PCDHGB7: variants seen among roughly 807,000 people sequenced by gnomAD.
PCDHGB7 encodes the protein protocadherin gamma-B7.
PCDHGB7 carries 37 observed loss-of-function variants against 61.4 expected under a neutral mutation model. That is an observed-to-expected ratio of 0.60 (90% CI 0.46 to 0.79). The LOEUF (loss-of-function observed/expected upper bound fraction) is 0.79. Ranked by LOEUF, PCDHGB7 falls within the 30% of genes least tolerant of loss-of-function variation. PCDHGB7 has a pLI of 0.00. For missense variants in PCDHGB7, 1,166 were observed against 1,202.5 expected, an observed-to-expected ratio of 0.97 and a Z score of 0.45; for synonymous variants, 464 against 503.5, an observed-to-expected ratio of 0.92 and a Z score of 1.05.
intron 1 of PCDHGB7, chr5:141,428,086 G>C: frequency 1.9e-6 from 3 of 1,609,122 alleles, no homozygotes; most frequent in Non-Finnish European, 1.7e-6. Context: ...CACAACGCTT[G>C]GCTGTCCTAC....
Position 141,510,968 on chromosome 5 carries a change from C to A in PCDHGB7, c.2585C>A (p.Thr862Asn). 1 of 1,614,150 alleles carries A rather than the reference C, an allele frequency of 6.2e-7. No individual in the cohort carries two copies. The highest frequency in any genetic ancestry group is 8.5e-7 in the Non-Finnish European group (1 of 1,180,014). The change falls in exon 4 of 4, where the codon ACC becomes AAC. Residue 862 changes from threonine (T) to asparagine (N), a missense_variant. Transcript: ENST00000398594. ...SASEAADGSS[T>N]LGGGAGTMGL... ...GCAGAAGCTGCTGATGGGAGCTCCA[C>A]CCTGGGAGGGGGTGCCGGCACCATG...
chr5:141,485,689 G>A lies in PCDHGB7; in HGVS notation c.2416-9118G>A. On this transcript the variant is annotated intron_variant, in intron 1 of 3. Transcript: ENST00000398594. This position sits in a 1 kb window ranked among gnomAD's most constrained non-coding sequence, Gnocchi z 5.7. ...GCAATTCGATTAGCAGCTATAGGCT[G>A]AGCTCCAATGAACACTTTGCACTGG... The A allele has an allele frequency of 6.2e-7, 1 of 1,614,086 alleles. No individual in the cohort carries two copies. The highest frequency in any genetic ancestry group is 8.5e-7 in the Non-Finnish European group (1 of 1,179,970).
At chr5:141,481,844 G>A (rs552753850) in intron 1 of PCDHGB7, among the ~76,000 whole-genome samples, 7 of 151,350 alleles carry the variant, frequency 4.6e-5, no homozygotes, top group Admixed American at 1.3e-4. Context: ...TCGCTTGATG[G>A]TGGAGGTTGC....
chr5:141,499,689 C>CTTTT (rs545067566), intron 2 of PCDHGB7, among the ~76,000 whole-genome samples: 17 of 119,848 alleles, frequency 1.4e-4, no homozygotes, highest in East Asian at 2.4e-4. Context: ...TAACAGATGA[C>CTTTT]TTTTTTTTTT....
chr5:141,452,888 C>T (rs62379168), intron 1 of PCDHGB7, among the ~76,000 whole-genome samples: 13,856 of 152,130 alleles, frequency 0.091, 849 homozygotes, highest in African/African-American at 0.17. Flanking sequence ...TAATTTATTC[C>T]ACTTTTATTA....
In PCDHGB7 at chr5:141,512,501, G is replaced by A. The variant is rs1474842711; in HGVS notation, c.*1328G>A. The A allele has an allele frequency of 6.5e-6, 1 of 152,914 alleles. No homozygotes were observed. The highest frequency in any genetic ancestry group is 1.5e-5 in the Non-Finnish European group (1 of 68,258). The allele number at this position is 152,914 out of a possible 1,614,324, so 9.5% of individuals were successfully genotyped here. On this transcript the variant is annotated 3_prime_UTR_variant, in exon 4 of 4. Transcript: ENST00000398594. The stretch of plus-strand genomic sequence containing the variant: ...GAAGGCCACTGCCCAGGTCCCCAGT[G>A]CGCCCCCTAGTGGCCATAGCCTGGT...
At chr5:141,449,631 G>C in intron 1 of PCDHGB7, among the ~76,000 whole-genome samples, 1 of 148,476 alleles carries the variant, frequency 6.7e-6, no homozygotes, top group Middle Eastern at 3.6e-3. Flanking sequence ...TTAAAAAGAT[G>C]TATCTATATA....
At chr5:141,495,292 C>T (rs74321313) in intron 2 of PCDHGB7, among the ~76,000 whole-genome samples, 8,567 of 152,256 alleles carry the variant, frequency 0.056, 526 homozygotes, top group African/African-American at 0.16. Context: ...CCGCACTCAG[C>T]GCCTCCTCCA....
At chr5:141,478,788 T>A (rs576491824) in intron 1 of PCDHGB7, 147 of 1,473,736 alleles carry the variant, frequency 1.0e-4, no homozygotes, top group Non-Finnish European at 1.3e-4. Context: ...CTAATTCACA[T>A]CCTCAGCACT....
chr5:141,448,806 G>A (rs1412164815), intron 1 of PCDHGB7, among the ~76,000 whole-genome samples: 1 of 152,008 alleles, frequency 6.6e-6, no homozygotes, highest in Admixed American at 6.5e-5. Context: ...TTAGCCAGGC[G>A]TGATGGCGGG....
chr5:141,421,064 G>A (rs2096543646), intron 1 of PCDHGB7: 2 of 593,294 alleles, frequency 3.4e-6, no homozygotes, highest in Non-Finnish European at 5.7e-6. Context: ...ACACAAAGCG[G>A]AATGAGATGG....
chr5:141,466,468 T>C (rs1266315455), intron 1 of PCDHGB7, among the ~76,000 whole-genome samples: 1 of 152,368 alleles, frequency 6.6e-6, no homozygotes, highest in East Asian at 1.9e-4. Flanking sequence ...TTGTTTCTGC[T>C]GTTAATTGTA....
At chr5:141,436,305 T>C (rs2097810667) in intron 1 of PCDHGB7, among the ~76,000 whole-genome samples, 1 of 152,184 alleles carries the variant, frequency 6.6e-6, no homozygotes. Flanking sequence ...AGTTAGAGCA[T>C]GAATAGTCAA....
Position 141,476,129 on chromosome 5 carries a change from G to T in PCDHGB7, c.2416-18678G>T, listed in dbSNP as rs2099385585. 6.2e-7 allele frequency: 1 copy of T among 1,606,848 alleles called. No homozygotes were observed. The highest frequency in any genetic ancestry group is 1.3e-5 in the African/African-American group (1 of 75,000). On this transcript the variant is annotated intron_variant, in intron 1 of 3. Transcript: ENST00000398594. The surrounding 1 kb of genome is among the most constrained non-coding windows in gnomAD (Gnocchi z 7.6). ...GCTTTTGAGTGAGATGGTCCCAGAG[G>T]CCTGGAGGAGCGGACTGGTAAGCAC...
intron 1 of PCDHGB7, among the ~76,000 whole-genome samples, chr5:141,438,948 G>A (rs2154558298): frequency 6.6e-6 from 1 of 152,142 alleles, no homozygotes; most frequent in Middle Eastern, 3.4e-3. Context: ...TTATAGGCAT[G>A]AGCCACCGCA....
rs1301800438 is a variant in PCDHGB7, at chr5:141,432,966, C to T, written c.2415+12692C>T. ...TCAGGAGGCGGCTTGACAGGAGCGC[C>T]GGCGTCGCACTTTGTGGGCGTGGAC... On this transcript the variant is annotated intron_variant, in intron 1 of 3. Coordinates refer to ENST00000398594, the MANE Select transcript of PCDHGB7 (RefSeq NM_018927.4). This position sits in a 1 kb window ranked among gnomAD's most constrained non-coding sequence, Gnocchi z 6.0. 1.2e-6 allele frequency: 2 copies of T among 1,614,066 alleles called. No homozygotes were observed. The highest frequency in any genetic ancestry group is 8.5e-7 in the Non-Finnish European group (1 of 1,180,052).
Position 141,418,385 on chromosome 5 carries a change from G to T in PCDHGB7, c.526G>T (p.Glu176Ter). ...GAGCAAATACCAACTAAGTCCTAAC[G>T]AGTATTTCTCATTGGTGGAGAAAGA... The part of the protein sequence containing the change: ...SLSKYQLSPN[E>*]YFSLVEKDNP... The change falls in exon 1 of 4, where the codon GAG becomes TAG. Residue 176 changes from glutamate to a stop codon, truncating the protein, a stop_gained. Transcript: ENST00000398594. LOFTEE classifies it high-confidence loss of function. 1 of 1,613,930 alleles carries T rather than the reference G, an allele frequency of 6.2e-7. No homozygotes were observed. Among genetic ancestry groups the T allele is most frequent in the Non-Finnish European group, 8.5e-7 (1 of 1,179,876 alleles).
Position 141,431,534 on chromosome 5 carries a change from A to G in PCDHGB7, c.2415+11260A>G, listed in dbSNP as rs1331176313. Reference sequence around the variant, plus strand: ...CGTTCCGGAGAATCTGGCCTTGGGCACGCAGCTGCTTGTAGTCAACGCTAC... The same window carrying G: ...CGTTCCGGAGAATCTGGCCTTGGGCGCGCAGCTGCTTGTAGTCAACGCTAC... On this transcript the variant is annotated intron_variant, in intron 1 of 3. Coordinates refer to ENST00000398594, the MANE Select transcript of PCDHGB7 (RefSeq NM_018927.4). This position sits in a 1 kb window ranked among gnomAD's most constrained non-coding sequence, Gnocchi z 4.8. The G allele has an allele frequency of 1.2e-6, 2 of 1,614,110 alleles. No individual in the cohort carries two copies. The highest frequency in any genetic ancestry group is 8.5e-7 in the Non-Finnish European group (1 of 1,180,042).
chr5:141,467,681 A>G (rs2099148744), intron 1 of PCDHGB7, among the ~76,000 whole-genome samples: 1 of 152,076 alleles, frequency 6.6e-6, no homozygotes, highest in African/African-American at 2.4e-5. Flanking sequence ...TATTTTTTTT[A>G]GACAGGGTCT....
Sources: allele counts gnomAD v4.1 joint callset (sites outside exome capture counted in the v4.1 genomes callset), GRCh38; gene constraint gnomAD v4.1.1; non-coding constraint Gnocchi (gnomAD v3.1); transcripts MANE v1.5; gene names NCBI Gene and HGNC (gene_info 2026-07-23, HGNC 2026-07-21).